TMEM63C: variants seen among roughly 807,000 people sequenced by gnomAD.
TMEM63C encodes osmosensitive cation channel TMEM63C.
TMEM63C carries 32 observed loss-of-function variants against 99.2 expected under a neutral mutation model. The observed-to-expected ratio is 0.32, with a 90% CI of 0.24 to 0.43. The LOEUF is 0.43. Ranked by LOEUF, TMEM63C falls within the 20% of genes least tolerant of loss-of-function variation. TMEM63C has a pLI of 1.00. For missense variants in TMEM63C, 826 were observed against 1,053.0 expected (o/e 0.78, Z 2.98); for synonymous variants, 376 against 397.9 (o/e 0.94, Z 0.66).
chr14:77,253,044 T>C (rs1889397202), intron 22 of TMEM63C, among the ~76,000 whole-genome samples: 1 of 152,220 alleles, frequency 6.6e-6, no homozygotes, highest in African/African-American at 2.4e-5. Context: ...GGCTCATCTT[T>C]GAACTTCAAT....
At chr14:77,234,331 G>A (rs1020186942) in intron 8 of TMEM63C, among the ~76,000 whole-genome samples, 9 of 151,890 alleles carry the variant, frequency 5.9e-5, no homozygotes, top group South Asian at 2.1e-4. Context: ...TGAAATGAGC[G>A]GAAAGGGGCT....
chr14:77,214,911 A>G (rs900290908), intron 2 of TMEM63C, among the ~76,000 whole-genome samples: 1 of 152,130 alleles, frequency 6.6e-6, no homozygotes, highest in African/African-American at 2.4e-5. Context: ...GAACTCCAGT[A>G]GCTTTCCCTG....
chr14:77,211,738 G>T (rs1888500719), intron 1 of TMEM63C, among the ~76,000 whole-genome samples: 1 of 152,222 alleles, frequency 6.6e-6, no homozygotes, highest in Non-Finnish European at 1.5e-5. Context: ...CTTTGCCCAA[G>T]CCTAGAACAG....
intron 2 of TMEM63C, among the ~76,000 whole-genome samples, chr14:77,215,189 C>T (rs556036914): frequency 2.5e-4 from 38 of 152,278 alleles, no homozygotes; most frequent in Non-Finnish European, 3.7e-4. Flanking sequence ...GTAATCCATC[C>T]TCTCTTATTC....
intron 9 of TMEM63C, 82 bp downstream of exon 9, chr14:77,236,814 A>G (rs977570300): frequency 2.0e-5 from 19 of 947,316 alleles, no homozygotes; most frequent in Non-Finnish European, 2.9e-5. Flanking sequence ...ACCCTCAGAG[A>G]AGCCCTCAGA....
intron 1 of TMEM63C, among the ~76,000 whole-genome samples, chr14:77,199,179 T>A (rs1888256991): frequency 6.6e-6 from 1 of 152,166 alleles, no homozygotes; most frequent in Non-Finnish European, 1.5e-5. Context: ...AGGCAACATT[T>A]GAGACACACA....
rs773541342 is a variant in TMEM63C, at chr14:77,242,389, C to T, written c.1107C>T (p.Pro369=). ...DYKYVQCGVQ[P]QQSSVTTIVK... is the part of the protein sequence containing the mutation. ...AGTATGTCCAGTGTGGTGTGCAACCCCAGCAGTCCTCAGTGACCACCATCG... is the reference window on the plus strand; with the variant it reads ...AGTATGTCCAGTGTGGTGTGCAACCTCAGCAGTCCTCAGTGACCACCATCG... The change falls in exon 14 of 24, where the codon CCC becomes CCT. Residue 369 remains proline (P), a synonymous_variant. Coordinates refer to ENST00000298351, the MANE Select transcript of TMEM63C (RefSeq NM_020431.4). The T allele has an allele frequency of 3.7e-6, 6 of 1,613,746 alleles. No homozygotes were observed. The Admixed American group carries it at 6.7e-5, about 18-fold the overall frequency.
intron 1 of TMEM63C, among the ~76,000 whole-genome samples, chr14:77,212,780 G>C (rs993802974): frequency 1.2e-4 from 18 of 152,192 alleles, no homozygotes; most frequent in African/African-American, 4.1e-4. Context: ...CTGCCCTGCA[G>C]GTTGAGCAGC....
At chr14:77,239,553 C>T in intron 11 of TMEM63C, 50 bp from the exon 12 acceptor site, 1 of 1,612,388 alleles carries the variant, frequency 6.2e-7, no homozygotes, top group Non-Finnish European at 8.5e-7. Flanking sequence ...GGATGGGGCT[C>T]TGCTGGCCCC....
At position 77,242,443 on chromosome 14, in the gene TMEM63C, G is replaced by T; in HGVS notation, c.1161G>T (p.Met387Ile). The T allele has an allele frequency of 6.2e-7, 1 of 1,613,866 alleles. No homozygotes were observed. ...AATCATATTACTGGAGGGTCACTATGGCCCCACACCCCAAAGACATTATTT... is the reference window on the plus strand; with the variant it reads ...AATCATATTACTGGAGGGTCACTATTGCCCCACACCCCAAAGACATTATTT... Reference protein sequence around the residue: ...IVKSYYWRVTMAPHPKDIIWK... With the variant: ...IVKSYYWRVTIAPHPKDIIWK... The change falls in exon 14 of 24, where the codon ATG becomes ATT. Residue 387 changes from methionine (M) to isoleucine (I), a missense_variant. By Grantham distance (10) the Met-to-Ile change is conservative. Transcript: ENST00000298351.
chr14:77,251,269 A>G (rs551519368), intron 21 of TMEM63C, among the ~76,000 whole-genome samples: 1 of 152,364 alleles, frequency 6.6e-6, no homozygotes, highest in Non-Finnish European at 1.5e-5. Flanking sequence ...TTGGCTGTAA[A>G]GCATAATTTA....
chr14:77,250,021 G>A (rs2140131841), intron 21 of TMEM63C, among the ~76,000 whole-genome samples: 1 of 152,288 alleles, frequency 6.6e-6, no homozygotes, highest in South Asian at 2.1e-4. Flanking sequence ...ATTTTGTAGA[G>A]ATGAGGTCTC....
intron 1 of TMEM63C, among the ~76,000 whole-genome samples, chr14:77,187,793 T>G (rs1888029249): frequency 6.6e-6 from 1 of 152,212 alleles, no homozygotes; most frequent in Non-Finnish European, 1.5e-5. Context: ...TCCCCGTGAC[T>G]CTGCCTGCTT....
At chr14:77,216,218 C>T (rs141867791) in intron 2 of TMEM63C, among the ~76,000 whole-genome samples, 3 of 152,054 alleles carry the variant, frequency 2.0e-5, no homozygotes, top group Non-Finnish European at 4.4e-5. Flanking sequence ...CTCCTGGAAA[C>T]ATTGTCTTCA....
chr14:77,238,820 G>A (rs1380665906), intron 10 of TMEM63C, 53 bp downstream of exon 10: 22 of 1,450,366 alleles, frequency 1.5e-5, no homozygotes, highest in East Asian at 4.5e-5. Flanking sequence ...CCATAACCCC[G>A]CCTGGGTCCT....
At chr14:77,186,939 C>T (rs940049441) in intron 1 of TMEM63C, among the ~76,000 whole-genome samples, 1 of 152,150 alleles carries the variant, frequency 6.6e-6, no homozygotes, top group Non-Finnish European at 1.5e-5. Context: ...TCAACTAGGC[C>T]TGGCTTGGGG....
rs984633748 is a variant in TMEM63C at position 77,244,598 on chromosome 14, AT to A, written c.1448+144del. ...AGGGATGGTTTTGATACCTGAAACC[AT>A]CCCCAAAGACCAACAGGTGTTCTGT... On this transcript the variant is annotated intron_variant, in intron 16 of 23. Transcript: ENST00000298351. 10 of 668,888 alleles carry A rather than the reference AT, an allele frequency of 1.5e-5. No individual in the cohort carries two copies. The East Asian group carries it at 2.6e-4, about 17-fold the overall frequency. 41.4% of individuals were successfully genotyped at this position (668,888 alleles called of 1,614,324 possible).
chr14:77,233,494 C>T lies in TMEM63C; in HGVS notation c.536C>T (p.Ser179Phe), dbSNP rs1463225495. 2 of 1,613,362 alleles carry T rather than the reference C, an allele frequency of 1.2e-6. No individual in the cohort carries two copies. Among genetic ancestry groups the T allele is most frequent in the Non-Finnish European group, 1.7e-6 (2 of 1,179,752 alleles). ...GCTCGGACCACCATTGTCAATGTCT[C>T]CACAGAGTAGGTACCTGATCTTAAC... ...HFARTTIVNV[S>F]TESKLLWLHS... The change falls in exon 8 of 24, where the codon TCC becomes TTC. Residue 179 changes from serine (S) to phenylalanine (F), a missense_variant. Transcript: ENST00000298351.
At chr14:77,237,008 G>GCTCCACCCTCTCACGCTC (rs1202087258) in intron 9 of TMEM63C, among the ~76,000 whole-genome samples, 1 of 83,492 alleles carries the variant, frequency 1.2e-5, no homozygotes, top group East Asian at 7.9e-4. Context: ...CCTCCACGCT[G>GCTCCACCCTCTCACGCTC]CTCCACCCTC....
Sources: allele counts gnomAD v4.1 joint callset (sites outside exome capture counted in the v4.1 genomes callset), GRCh38; gene constraint gnomAD v4.1.1; transcripts MANE v1.5; gene names NCBI Gene and HGNC (gene_info 2026-07-23, HGNC 2026-07-21).